ZFR: variants seen among roughly 807,000 people sequenced by gnomAD.
ZFR encodes the protein zinc finger RNA-binding protein.
A neutral mutation model predicts 130.7 loss-of-function variants in ZFR; 19 were observed. The ratio of observed to expected loss-of-function variants is 0.15; its 90% confidence interval spans 0.10 to 0.21. The LOEUF is 0.21. Ranked by LOEUF, ZFR falls within the 10% of genes least tolerant of loss-of-function variation. The probability of loss-of-function intolerance (pLI) is 1.00; values close to 1 mark genes in which losing one functional copy is unlikely to be tolerated. For synonymous variants in ZFR, 466 were observed against 456.9 expected, an observed-to-expected ratio of 1.02 and a Z score of -0.25; for missense variants, 872 against 1,321.5, an observed-to-expected ratio of 0.66 and a Z score of 5.27.
At chr5:32,426,390 A>G (rs1392850057) in intron 2 of ZFR, among the ~76,000 whole-genome samples, 1 of 152,126 alleles carries the variant, frequency 6.6e-6, no homozygotes, top group Non-Finnish European at 1.5e-5. Context: ...TTATGATTAA[A>G]AAAAGAAAAA....
At chr5:32,370,333 GAGAGAGAGAGAGAGAGAGAGACAGA>G (rs1752639711) in intron 17 of ZFR, among the ~76,000 whole-genome samples, 1 of 63,300 alleles carries the variant, frequency 1.6e-5, no homozygotes, top group Non-Finnish European at 4.1e-5. Context: ...GAGAGAGAGA[GAGAGAGAGAGAGAGAGAGAGACAGA>G]CAGACAGACA....
intron 6 of ZFR, among the ~76,000 whole-genome samples, chr5:32,405,352 T>C (rs1400165512): frequency 6.6e-6 from 1 of 152,208 alleles, no homozygotes; most frequent in Non-Finnish European, 1.5e-5. Context: ...TTCCTTCTTA[T>C]GTACGCATCT....
intron 11 of ZFR, among the ~76,000 whole-genome samples, chr5:32,391,614 C>T (rs1445615057): frequency 2.0e-5 from 3 of 151,424 alleles, no homozygotes; most frequent in African/African-American, 4.9e-5. Flanking sequence ...ACCAATAATT[C>T]CCAAGGGAAA....
Position 32,385,522 on chromosome 5 carries a change from T to C in ZFR, c.2627A>G (p.Asn876Ser). 6.2e-7 allele frequency: 1 copy of C among 1,613,296 alleles called. No homozygotes were observed. The highest frequency in any genetic ancestry group is 8.5e-7 in the Non-Finnish European group (1 of 1,179,414). Reference protein sequence around the residue: ...TLTSPIIREENMREGDVTSGM... With the variant: ...TLTSPIIREESMREGDVTSGM... ...GGCTTTCCAACCTCCTTCCCTCATG[T>C]TCTCTTCTCGAATAATTGGAGATGT... is the stretch of plus-strand genomic sequence containing the variant. The change falls in exon 15 of 20, where the codon AAC becomes AGC. Residue 876 changes from asparagine (N) to serine (S), a missense_variant. Asn to Ser is a conservative substitution (Grantham distance 46). Transcript: ENST00000265069.
chr5:32,397,382 T>C (rs1226410824), intron 9 of ZFR, 44 bp from the exon 10 acceptor site: 3 of 1,597,672 alleles, frequency 1.9e-6, no homozygotes, highest in Non-Finnish European at 2.6e-6. Context: ...AGTTGAAGAT[T>C]ATATCATTCA....
chr5:32,439,655 A>G (rs375875251), intron 2 of ZFR, among the ~76,000 whole-genome samples: 3 of 152,004 alleles, frequency 2.0e-5, no homozygotes, highest in African/African-American at 4.8e-5. Context: ...ACAACTCTCA[A>G]TGAGGCTGGG....
intron 17 of ZFR, 69 bp downstream of exon 17, chr5:32,379,046 A>ACTT (rs1168352686): frequency 8.4e-7 from 1 of 1,194,594 alleles, no homozygotes; most frequent in African/African-American, 1.5e-5. Flanking sequence ...TTACATGTAA[A>ACTT]CTGAGAGGAT....
At chr5:32,428,207 A>T (rs952381998) in intron 2 of ZFR, among the ~76,000 whole-genome samples, 1 of 152,196 alleles carries the variant, frequency 6.6e-6, no homozygotes, top group Non-Finnish European at 1.5e-5. Flanking sequence ...TGAAGTCAGG[A>T]GTTCGAGACC....
At chr5:32,398,099 G>A (rs1189805799) in intron 9 of ZFR, among the ~76,000 whole-genome samples, 12 of 151,556 alleles carry the variant, frequency 7.9e-5, no homozygotes, top group Non-Finnish European at 1.3e-4. Context: ...CTCGTGATCC[G>A]CCCGCCTCGG....
chr5:32,408,516 T>C (rs568313496), intron 5 of ZFR, among the ~76,000 whole-genome samples: 38 of 152,320 alleles, frequency 2.5e-4, no homozygotes, highest in African/African-American at 9.1e-4. Context: ...ATCATGATCC[T>C]ACTTGGTAAT....
At chr5:32,413,104 G>A (rs996607509) in intron 5 of ZFR, among the ~76,000 whole-genome samples, 3 of 151,932 alleles carry the variant, frequency 2.0e-5, no homozygotes, top group African/African-American at 4.8e-5. Flanking sequence ...CAGGAGAATC[G>A]CTTAAACCCA....
At chr5:32,442,974 G>C (rs1487956114) in intron 2 of ZFR, among the ~76,000 whole-genome samples, 1 of 466 alleles carries the variant, frequency 2.1e-3, no homozygotes, top group Non-Finnish European at 0.011. Flanking sequence ...GGGAGGCCGA[G>C]GCAGGACTCT....
chr5:32,414,688 C>T (rs1753780157), intron 5 of ZFR, among the ~76,000 whole-genome samples: 3 of 152,098 alleles, frequency 2.0e-5, no homozygotes, highest in Admixed American at 1.3e-4. Flanking sequence ...CTGTAGAAAA[C>T]TCGGTGTTAC....
chr5:32,365,800 A>G (rs1752528665), intron 17 of ZFR, among the ~76,000 whole-genome samples: 1 of 152,098 alleles, frequency 6.6e-6, no homozygotes, highest in African/African-American at 2.4e-5. Context: ...GGGTCTCACT[A>G]TGCTGTCCAG....
chr5:32,372,153 T>C (rs1398644794), intron 17 of ZFR, among the ~76,000 whole-genome samples: 3 of 152,196 alleles, frequency 2.0e-5, no homozygotes, highest in Admixed American at 2.0e-4. Context: ...AGCCAAATCC[T>C]ACTCCTTTTC....
chr5:32,386,794 C>T (rs985154610), intron 14 of ZFR, among the ~76,000 whole-genome samples: 3 of 152,126 alleles, frequency 2.0e-5, no homozygotes, highest in African/African-American at 4.8e-5. Flanking sequence ...CAGTAAGGTA[C>T]TGTTCTAATT....
intron 17 of ZFR, among the ~76,000 whole-genome samples, chr5:32,366,399 A>G (rs1206296970): frequency 6.6e-6 from 1 of 152,236 alleles, no homozygotes; most frequent in African/African-American, 2.4e-5. Flanking sequence ...AGCTTTTTCA[A>G]AATCTGTTTA....
chr5:32,431,647 A>G (rs993172608), intron 2 of ZFR, among the ~76,000 whole-genome samples: 2 of 151,956 alleles, frequency 1.3e-5, no homozygotes, highest in Non-Finnish European at 2.9e-5. Context: ...ACACAATCTG[A>G]CCTTCCCTTT....
At chr5:32,426,203 C>A (rs1754068536) in intron 2 of ZFR, among the ~76,000 whole-genome samples, 1 of 151,984 alleles carries the variant, frequency 6.6e-6, no homozygotes, top group Non-Finnish European at 1.5e-5. Context: ...CAGTGTGGCC[C>A]CAGTGTGTAT....
Sources: gnomAD v4.1 joint callset for allele counts (sites outside exome capture counted in the v4.1 genomes callset) on GRCh38, gnomAD v4.1.1 for gene constraint, MANE v1.5 for transcripts, NCBI Gene and HGNC (gene_info 2026-07-23, HGNC 2026-07-21) for gene names.